Variants in EPB41L3 observed in about 807,000 individuals in gnomAD.
The protein encoded by EPB41L3 is band 4.1-like protein 3.
A neutral mutation model predicts 127.1 loss-of-function variants in EPB41L3; 57 were observed. The observed-to-expected ratio is 0.45, with a 90% CI of 0.36 to 0.56. EPB41L3 has a LOEUF of 0.56. Ranked by LOEUF, EPB41L3 falls within the 20% of genes least tolerant of loss-of-function variation. EPB41L3 has a pLI of 0.00. For missense variants in EPB41L3, 1,273 were observed against 1,372.2 expected, an observed-to-expected ratio of 0.93 and a Z score of 1.14; for synonymous variants, 572 against 549.5, an observed-to-expected ratio of 1.04 and a Z score of -0.57.
At chr18:5,598,768 C>T (rs1435066569) in intron 3 of EPB41L3, among the ~76,000 whole-genome samples, 1 of 152,338 alleles carries the variant, frequency 6.6e-6, no homozygotes. Flanking sequence ...TCAATTAACA[C>T]TATCACTGCC....
intron 3 of EPB41L3, among the ~76,000 whole-genome samples, chr18:5,582,227 A>G (rs1351579691): frequency 6.6e-6 from 1 of 152,180 alleles, no homozygotes; most frequent in Non-Finnish European, 1.5e-5. Context: ...TTGCTGGTAT[A>G]TCTTGGGAAA....
At chr18:5,395,743 G>A in intron 19 of EPB41L3, 36 bp from the exon 20 acceptor site, 1 of 1,505,610 alleles carries the variant, frequency 6.6e-7, no homozygotes, top group Non-Finnish European at 9.2e-7. Context: ...TCATCCAGGT[G>A]CTCACATCTG....
chr18:5,469,644 G>A (rs911411042), intron 3 of EPB41L3, among the ~76,000 whole-genome samples: 4 of 152,136 alleles, frequency 2.6e-5, no homozygotes, highest in East Asian at 1.9e-4. Context: ...AAGCATAGGC[G>A]CCACCCGCCC....
chr18:5,577,320 A>G (rs2143037423), intron 3 of EPB41L3: 1 of 452,584 alleles, frequency 2.2e-6, no homozygotes, highest in South Asian at 1.6e-5. Context: ...TAGCAATCCG[A>G]AAATTTTACC....
intron 3 of EPB41L3, among the ~76,000 whole-genome samples, chr18:5,565,983 C>G (rs988890910): frequency 3.9e-5 from 6 of 152,130 alleles, no homozygotes; most frequent in Admixed American, 2.0e-4. Context: ...TAAGAGCTAT[C>G]TATGACAAAC....
chr18:5,419,484 T>C lies in EPB41L3; in HGVS notation c.1506+227A>G, dbSNP rs537904639. ...CAGGACAGCTATTGAAAGTCTTACA[T>C]AGCACACAAGTTATTAAAATAAAAA... On this transcript the variant is annotated intron_variant, in intron 12 of 22. Transcript: ENST00000341928. 4.6e-5 allele frequency among the ~76,000 whole-genome samples: 7 copies of C among 152,320 alleles called. No individual in the cohort carries two copies. The South Asian group carries it at 1.4e-3, about 32-fold the overall frequency.
chr18:5,494,817 C>T (rs1168592535), intron 1 of EPB41L3, among the ~76,000 whole-genome samples: 3 of 152,112 alleles, frequency 2.0e-5, no homozygotes, highest in Non-Finnish European at 2.9e-5. Flanking sequence ...GGAAGGGGTG[C>T]GTGAGAGTGA....
intron 13 of EPB41L3, among the ~76,000 whole-genome samples, chr18:5,413,607 C>A (rs533841750): frequency 7.9e-5 from 12 of 152,300 alleles, no homozygotes; most frequent in African/African-American, 2.9e-4. Context: ...GCCATGTAAG[C>A]AAATGGCAAT....
intron 3 of EPB41L3, among the ~76,000 whole-genome samples, chr18:5,563,226 G>A (rs1289575993): frequency 6.6e-6 from 1 of 152,156 alleles, no homozygotes; most frequent in Non-Finnish European, 1.5e-5. Flanking sequence ...AGCAGGTAAG[G>A]CCCAAGTGAT....
intron 1 of EPB41L3, among the ~76,000 whole-genome samples, chr18:5,492,289 C>CAAGGTTCCCTTCTCTTCTG (rs1555757225): frequency 6.8e-6 from 1 of 147,242 alleles, no homozygotes; most frequent in African/African-American, 2.7e-5. Flanking sequence ...CACTGCACTC[C>CAAGGTTCCCTTCTCTTCTG]AGCCTGGGTG....
intron 16 of EPB41L3, chr18:5,400,233 C>T (rs955862508): frequency 5.7e-6 from 1 of 176,612 alleles, no homozygotes; most frequent in African/African-American, 2.4e-5. Context: ...GAAAGGAAAG[C>T]TAAGAAACTT....
At chr18:5,445,884 A>T (rs1474430375) in intron 3 of EPB41L3, among the ~76,000 whole-genome samples, 1 of 152,172 alleles carries the variant, frequency 6.6e-6, no homozygotes, top group Non-Finnish European at 1.5e-5. Flanking sequence ...TGAGAATCTA[A>T]TGCCTGATGA....
Position 5,397,097 on chromosome 18 carries a change from G to A in EPB41L3, c.2802C>T (p.Ile934=). Residue 934 remains isoleucine, a synonymous_variant, in exon 18 of 23, where the codon ATC becomes ATT. Transcript: ENST00000341928. The surrounding 1 kb of genome is among the most constrained non-coding windows in gnomAD (Gnocchi z 4.1). Reference sequence around the variant, plus strand: ...TTTGTTCCAAAGTTTCTGAAATGTGGATGGCTGCACTCTGCTCCTCTTGTC... The same window carrying A: ...TTTGTTCCAAAGTTTCTGAAATGTGAATGGCTGCACTCTGCTCCTCTTGTC... ...RERQEEQSAA[I]HISETLEQKP... 1 of 1,609,204 alleles carries A rather than the reference G, an allele frequency of 6.2e-7. No homozygotes were observed. The highest frequency in any genetic ancestry group is 8.5e-7 in the Non-Finnish European group (1 of 1,178,176).
intron 3 of EPB41L3, among the ~76,000 whole-genome samples, chr18:5,584,776 C>T (rs1488221730): frequency 6.6e-6 from 1 of 152,156 alleles, no homozygotes; most frequent in African/African-American, 2.4e-5. Flanking sequence ...TAACTTACAA[C>T]CATCAATGGT....
At chr18:5,506,146 G>A (rs116954701) in intron 1 of EPB41L3, among the ~76,000 whole-genome samples, 1 of 152,084 alleles carries the variant, frequency 6.6e-6, no homozygotes, top group Non-Finnish European at 1.5e-5. Flanking sequence ...AGTTACTCCA[G>A]TGTACCTCCC....
At chr18:5,418,247 C>G (rs1207709678) in intron 12 of EPB41L3, among the ~76,000 whole-genome samples, 1 of 152,110 alleles carries the variant, frequency 6.6e-6, no homozygotes, top group African/African-American at 2.4e-5. Context: ...TGGTAGTGTC[C>G]TTTGTCTTTT....
Position 5,445,226 on chromosome 18 carries a change from C to T in EPB41L3, c.400G>A (p.Val134Met), listed in dbSNP as rs761144764. Residue 134 changes from valine to methionine, a missense_variant, in exon 4 of 23, where the codon GTG (valine) becomes ATG (methionine). Transcript: ENST00000341928. ...CDVEKRSRGQ[V>M]LFDKVCEHLN... ...TGTTCACACACTTTATCAAACAGCA[C>T]TTGTCCTCTGGAGCGTTTCTACAGA... The T allele has an allele frequency of 6.2e-7, 1 of 1,613,964 alleles. No homozygotes were observed. Among genetic ancestry groups the T allele is most frequent in the Admixed American group, 1.7e-5 (1 of 60,026 alleles).
intron 3 of EPB41L3, among the ~76,000 whole-genome samples, chr18:5,605,609 A>C (rs556057272): frequency 1.3e-5 from 2 of 151,480 alleles, no homozygotes; most frequent in Middle Eastern, 3.2e-3. Flanking sequence ...TTTATTTTTT[A>C]TTGTTAGGTC....
chr18:5,610,136 G>A (rs2094709045), intron 3 of EPB41L3: 14 of 985,248 alleles, frequency 1.4e-5, no homozygotes, highest in South Asian at 1.4e-4. Context: ...ACAGATTTCA[G>A]GACTCACCCA....
Sources: gnomAD v4.1 joint callset for allele counts (sites outside exome capture counted in the v4.1 genomes callset) on GRCh38, gnomAD v4.1.1 for gene constraint, Gnocchi (gnomAD v3.1) non-coding constraint, MANE v1.5 for transcripts, NCBI Gene and HGNC (gene_info 2026-07-23, HGNC 2026-07-21) for gene names.